The following MAST4 variants were observed in gnomAD, a reference collection of about 807,000 sequenced individuals.
MAST4 encodes the protein microtubule-associated serine/threonine-protein kinase 4.
MAST4 carries 89 observed loss-of-function variants against 162.7 expected under a neutral mutation model. The observed-to-expected ratio is 0.55, with a 90% CI of 0.46 to 0.65. The LOEUF is 0.65. Among genes scored for constraint, MAST4 ranks in the 30% least tolerant of loss-of-function variants. The probability of loss-of-function intolerance (pLI) is 0.00; values close to 1 mark genes in which losing one functional copy is unlikely to be tolerated. For missense variants in MAST4, 3,153 were observed against 3,374.0 expected, an observed-to-expected ratio of 0.93 and a Z score of 1.62; for synonymous variants, 1,479 against 1,361.1, an observed-to-expected ratio of 1.09 and a Z score of -1.91.
At chr5:66,776,543 G>T (rs1018982546) in intron 2 of MAST4, among the ~76,000 whole-genome samples, 4 of 152,146 alleles carry the variant, frequency 2.6e-5, no homozygotes, top group Non-Finnish European at 5.9e-5. Flanking sequence ...CAAGTTTAAG[G>T]CCTCTGAGTT....
chr5:66,718,267 T>G (rs1375239339), intron 1 of MAST4, among the ~76,000 whole-genome samples: 1 of 152,032 alleles, frequency 6.6e-6, no homozygotes, highest in African/African-American at 2.4e-5. Context: ...GTTTTTTTGT[T>G]TTTTTGTTTT....
chr5:66,791,267 G>A lies in MAST4; in HGVS notation c.642+2473G>A, dbSNP rs546693783. Among the ~76,000 whole-genome samples, 20 of 152,252 alleles carry A rather than the reference G, an allele frequency of 1.3e-4. No individual in the cohort carries two copies. In the East Asian group the frequency reaches 3.7e-3, roughly 28 times the overall value. ...ACGGACTCCTGACCTCAGGTGATAC[G>A]CCTGCTTTGGCCTCCCAAAGTGCTG... On this transcript the variant is annotated intron_variant, in intron 3 of 28. Transcript: ENST00000403625.
At chr5:66,965,226 T>TTTC (rs1746572297) in intron 4 of MAST4, among the ~76,000 whole-genome samples, 1 of 109,472 alleles carries the variant, frequency 9.1e-6, no homozygotes. Flanking sequence ...TTTTTTTTGC[T>TTTC]TTTTTTTTTT....
At chr5:67,004,649 T>C (rs1260739982) in intron 4 of MAST4, 1 of 206,520 alleles carries the variant, frequency 4.8e-6, no homozygotes. Flanking sequence ...TCCGACTGAA[T>C]CCCACAGACA....
Position 66,975,780 on chromosome 5 carries a change from G to A in MAST4, c.674+75798G>A, listed in dbSNP as rs139507001. 8.4e-3 allele frequency among the ~76,000 whole-genome samples: 1,282 copies of A among 152,234 alleles called. 20 individuals carry two copies. The highest frequency in any genetic ancestry group is 0.029 in the African/African-American group (1,218 of 41,536). The stretch of plus-strand genomic sequence containing the variant: ...AGGCCGAAGCAGGTGGATCACCTGA[G>A]GTCAGGAGTTCAAGACCAGCCTGGC... On this transcript the variant is annotated intron_variant, in intron 4 of 28. Coordinates refer to ENST00000403625, the MANE Select transcript of MAST4 (RefSeq NM_001164664.2).
chr5:66,851,499 A>T (rs1454356489), intron 3 of MAST4, among the ~76,000 whole-genome samples: 1 of 152,204 alleles, frequency 6.6e-6, no homozygotes, highest in Non-Finnish European at 1.5e-5. Flanking sequence ...CCTCAGATGC[A>T]TTCTTTTTGT....
In MAST4 at chr5:66,596,440, G is replaced by A. The variant is rs998622232; in HGVS notation, c.-216G>A. On this transcript the variant is annotated 5_prime_UTR_variant, in exon 1 of 29. Coordinates refer to ENST00000403625, the MANE Select transcript of MAST4 (RefSeq NM_001164664.2). ...CCCGAGCGGGCATGTCCCCGCGCGC[G>A]GGAGCCTCCGTTTGCGGCCGGGCCC... 2.1e-6 allele frequency: 1 copy of A among 469,578 alleles called. No homozygotes were observed. The highest frequency in any genetic ancestry group is 2.0e-5 in the African/African-American group (1 of 49,630). The allele number at this position is 469,578 out of a possible 1,614,324, so 29.1% of individuals were successfully genotyped here. A position where few individuals can be genotyped will look rare whatever the true frequency, so the allele number is the denominator to read the frequency against.
chr5:66,688,778 T>A (rs1748853769), intron 1 of MAST4, among the ~76,000 whole-genome samples: 1 of 152,036 alleles, frequency 6.6e-6, no homozygotes, highest in Admixed American at 6.6e-5. Context: ...TGTGGACTCT[T>A]AGGCAATGGG....
chr5:67,006,043 C>T (rs985987589), intron 4 of MAST4, among the ~76,000 whole-genome samples: 1 of 152,190 alleles, frequency 6.6e-6, no homozygotes, highest in African/African-American at 2.4e-5. Flanking sequence ...ATACCTGTAA[C>T]TTTTTGTAGT....
chr5:66,894,936 C>T (rs934418095), intron 3 of MAST4, among the ~76,000 whole-genome samples: 1 of 152,066 alleles, frequency 6.6e-6, no homozygotes. Context: ...ATGTAACCCT[C>T]ACAGGACACC....
intron 3 of MAST4, among the ~76,000 whole-genome samples, chr5:66,850,942 TTTTGAAGAAAAAAA>T (rs1291093088): frequency 1.5e-4 from 23 of 151,194 alleles, no homozygotes; most frequent in East Asian, 2.0e-4. Context: ...TTTTTTTTTT[TTTTGAAGAAAAAAA>T]TGCATACATT....
At chr5:66,970,132 G>T (rs1747250622) in intron 4 of MAST4, among the ~76,000 whole-genome samples, 1 of 152,160 alleles carries the variant, frequency 6.6e-6, no homozygotes, top group South Asian at 2.1e-4. Context: ...AGGAAGATTG[G>T]CAGTCTCAGC....
At chr5:66,914,780 A>G (rs968522510) in intron 4 of MAST4, among the ~76,000 whole-genome samples, 2 of 152,188 alleles carry the variant, frequency 1.3e-5, no homozygotes, top group African/African-American at 4.8e-5. Context: ...ACATTTGACA[A>G]TATCTAGAGA....
At chr5:67,082,859 A>G (rs558470474) in intron 5 of MAST4, among the ~76,000 whole-genome samples, 2 of 152,338 alleles carry the variant, frequency 1.3e-5, no homozygotes, top group South Asian at 4.1e-4. Context: ...GAGTAAAGAG[A>G]GCAGAAGCTC....
rs114832876 is a variant in MAST4, at chr5:67,095,378, C to T, written c.834-219C>T. 5.3e-3 allele frequency among the ~76,000 whole-genome samples: 811 copies of T among 152,246 alleles called. 7 individuals are homozygous for T. The highest frequency in any genetic ancestry group is 0.019 in the African/African-American group (780 of 41,524). ...TTAGTGAGACATCAATAATATGGAT[C>T]AACCCATTCCCTTTCTACTTGTTTG... On this transcript the variant is annotated intron_variant, in intron 6 of 28. Transcript: ENST00000403625.
intron 3 of MAST4, among the ~76,000 whole-genome samples, chr5:66,845,086 TA>T (rs1758723417): frequency 3.8e-4 from 4 of 10,440 alleles, no homozygotes; most frequent in South Asian, 6.4e-3. Context: ...CACTAATCTT[TA>T]TATATATATA....
At chr5:67,060,806 A>G (rs1478663280) in intron 5 of MAST4, among the ~76,000 whole-genome samples, 2 of 152,102 alleles carry the variant, frequency 1.3e-5, no homozygotes, top group African/African-American at 2.4e-5. Flanking sequence ...GTAATATTCT[A>G]CTGCCCCAGG....
chr5:66,727,867 C>T (rs1040915036), intron 1 of MAST4, among the ~76,000 whole-genome samples: 1 of 152,070 alleles, frequency 6.6e-6, no homozygotes, highest in African/African-American at 2.4e-5. Context: ...GGTCATGGGT[C>T]ACTGTCAACT....
chr5:67,104,046 A>C (rs1031050227), intron 9 of MAST4, among the ~76,000 whole-genome samples: 4 of 152,218 alleles, frequency 2.6e-5, no homozygotes, highest in Admixed American at 6.5e-5. Context: ...TTTTAAGAAC[A>C]GTTTTAGCTT....
Sources: gnomAD v4.1 joint callset for allele counts (sites outside exome capture counted in the v4.1 genomes callset) on GRCh38, gnomAD v4.1.1 for gene constraint, MANE v1.5 for transcripts, NCBI Gene and HGNC (gene_info 2026-07-23, HGNC 2026-07-21) for gene names.